SLC2A13: variants seen among roughly 807,000 people sequenced by gnomAD.
SLC2A13 encodes solute carrier family 2 member 13, also known as proton myo-inositol cotransporter.
SLC2A13 carries 32 observed loss-of-function variants against 64.4 expected under a neutral mutation model. The ratio of observed to expected loss-of-function variants is 0.50; its 90% CI spans 0.37 to 0.67. The LOEUF (loss-of-function observed/expected upper bound fraction) is 0.67, where lower values mean the gene tolerates loss of function less well. SLC2A13 is among the 30% of genes least tolerant of loss of function. The pLI, the probability that SLC2A13 is intolerant of heterozygous loss-of-function variation, is 0.00. For missense variants in SLC2A13, 743 were observed against 829.2 expected (o/e 0.90, Z 1.28); for synonymous variants, 338 against 327.1 (o/e 1.03, Z -0.36).
At chr12:39,817,804 C>T (rs1171660771) in intron 7 of SLC2A13, among the ~76,000 whole-genome samples, 3 of 152,114 alleles carry the variant, frequency 2.0e-5, no homozygotes, top group Non-Finnish European at 4.4e-5. Context: ...TCAGTATACC[C>T]GGGGCAATTC....
chr12:40,041,384 T>C (rs2136230278), intron 2 of SLC2A13, among the ~76,000 whole-genome samples: 1 of 152,338 alleles, frequency 6.6e-6, no homozygotes, highest in Middle Eastern at 3.4e-3. Context: ...CTTTGAAGAT[T>C]ACATTTCACC....
Position 39,935,950 on chromosome 12 carries a change from G to C in SLC2A13, c.1034+15307C>G, listed in dbSNP as rs150688707. On this transcript the variant is annotated intron_variant, in intron 4 of 9. Coordinates refer to ENST00000280871, the MANE Select transcript of SLC2A13 (RefSeq NM_052885.4). The stretch of plus-strand genomic sequence containing the variant: ...GCCCTGAGAAGTTATGAAACTTGTA[G>C]CTTTACACACCCTTCTTTATATACC... Among the ~76,000 whole-genome samples the C allele has an allele frequency of 2.0e-5, 3 of 149,760 alleles. No individual in the cohort carries two copies. The East Asian group carries it at 6.0e-4, about 30-fold the overall frequency.
chr12:39,971,004 G>T (rs1180772308), intron 3 of SLC2A13, among the ~76,000 whole-genome samples: 1 of 152,116 alleles, frequency 6.6e-6, no homozygotes, highest in Non-Finnish European at 1.5e-5. Flanking sequence ...TTTACCAAGT[G>T]TTTAAGCCTT....
intron 4 of SLC2A13, among the ~76,000 whole-genome samples, chr12:39,900,269 GA>G (rs1476033044): frequency 6.6e-6 from 1 of 152,082 alleles, no homozygotes; most frequent in Non-Finnish European, 1.5e-5. Flanking sequence ...CATTCCCTTT[GA>G]AAACTGGCAC....
Position 39,975,990 on chromosome 12 carries a change from C to T in SLC2A13, c.926-24625G>A, listed in dbSNP as rs553577683. Among the ~76,000 whole-genome samples the T allele has an allele frequency of 1.0e-3, 153 of 152,298 alleles. 1 individual carries two copies. The highest frequency in any genetic ancestry group is 3.4e-3 in the African/African-American group (140 of 41,564). On this transcript the variant is annotated intron_variant, in intron 3 of 9. Coordinates refer to ENST00000280871, the MANE Select transcript of SLC2A13 (RefSeq NM_052885.4). ...GCTAAGTTTCCAAATATAATAACTG[C>T]TAATCAAAACAGTGACATCACAATC...
chr12:39,939,501 G>A (rs547259378), intron 4 of SLC2A13, among the ~76,000 whole-genome samples: 1 of 152,280 alleles, frequency 6.6e-6, no homozygotes, highest in South Asian at 2.1e-4. Context: ...AGCCAGTGGA[G>A]TTCATAGGGC....
At chr12:39,789,800 G>A (rs950640173) in intron 7 of SLC2A13, among the ~76,000 whole-genome samples, 1 of 152,052 alleles carries the variant, frequency 6.6e-6, no homozygotes, top group Admixed American at 6.6e-5. Flanking sequence ...AAGAGCTTGA[G>A]CCCCCATTTC....
chr12:40,048,596 G>A (rs1384655133), intron 1 of SLC2A13, among the ~76,000 whole-genome samples: 3 of 152,060 alleles, frequency 2.0e-5, no homozygotes, highest in African/African-American at 7.2e-5. Context: ...ACAATAGTGA[G>A]AATAAAAAAT....
At chr12:40,000,418 G>A (rs536868349) in intron 3 of SLC2A13, among the ~76,000 whole-genome samples, 7 of 152,242 alleles carry the variant, frequency 4.6e-5, no homozygotes, top group Admixed American at 3.3e-4. Flanking sequence ...AAGGTCATCA[G>A]GTCTTTTAAG....
intron 4 of SLC2A13, among the ~76,000 whole-genome samples, chr12:39,872,674 C>T (rs1398667644): frequency 1.3e-5 from 2 of 152,164 alleles, no homozygotes; most frequent in Non-Finnish European, 2.9e-5. Flanking sequence ...ATATGTCTGG[C>T]ACATTTAAGG....
chr12:39,802,710 CAT>C (rs1941834673), intron 7 of SLC2A13, among the ~76,000 whole-genome samples: 2 of 151,588 alleles, frequency 1.3e-5, no homozygotes, highest in African/African-American at 4.9e-5. Flanking sequence ...GTTACATGTC[CAT>C]ATATATAGAT....
At chr12:39,877,216 G>A (rs1403493780) in intron 4 of SLC2A13, among the ~76,000 whole-genome samples, 1 of 152,122 alleles carries the variant, frequency 6.6e-6, no homozygotes, top group Non-Finnish European at 1.5e-5. Context: ...ATAAAAAGAG[G>A]TTGAATGGAC....
intron 3 of SLC2A13, among the ~76,000 whole-genome samples, chr12:40,000,112 C>T (rs1947298956): frequency 6.6e-6 from 1 of 152,314 alleles, no homozygotes; most frequent in Non-Finnish European, 1.5e-5. Flanking sequence ...CACAAGCTCT[C>T]TTTGCCTGCT....
chr12:40,014,700 G>A (rs1947592384), intron 3 of SLC2A13, among the ~76,000 whole-genome samples: 1 of 152,020 alleles, frequency 6.6e-6, no homozygotes, highest in African/African-American at 2.4e-5. Context: ...CTTTATGTTG[G>A]TCAGGCTGGT....
intron 3 of SLC2A13, among the ~76,000 whole-genome samples, chr12:40,001,293 AT>A (rs1203754308): frequency 6.6e-6 from 1 of 152,194 alleles, no homozygotes; most frequent in African/African-American, 2.4e-5. Context: ...TAATTTGTAA[AT>A]TTTCTTTCAA....
intron 1 of SLC2A13, among the ~76,000 whole-genome samples, chr12:40,077,346 G>T (rs560785488): frequency 2.6e-5 from 4 of 152,194 alleles, no homozygotes; most frequent in Non-Finnish European, 5.9e-5. Context: ...AAAGGAAAGG[G>T]TCCAGCTGCA....
At chr12:39,810,546 A>T (rs932802038) in intron 7 of SLC2A13, among the ~76,000 whole-genome samples, 1 of 152,134 alleles carries the variant, frequency 6.6e-6, no homozygotes, top group Non-Finnish European at 1.5e-5. Flanking sequence ...AGACATTCTC[A>T]CCTAGTTTTC....
chr12:39,764,651 T>C (rs373241148), intron 8 of SLC2A13, 39 bp from the exon 9 acceptor site: 6 of 1,581,966 alleles, frequency 3.8e-6, no homozygotes, highest in Non-Finnish European at 4.3e-6. Context: ...TAAAATAGCA[T>C]GTAAGAAATT....
chr12:40,052,683 T>C (rs1328625426), intron 1 of SLC2A13, among the ~76,000 whole-genome samples: 1 of 152,208 alleles, frequency 6.6e-6, no homozygotes, highest in Non-Finnish European at 1.5e-5. Context: ...TGCTGGACTA[T>C]ATTTCTTCAA....
Sources: gnomAD v4.1 joint callset for allele counts (sites outside exome capture counted in the v4.1 genomes callset) on GRCh38, gnomAD v4.1.1 for gene constraint, MANE v1.5 for transcripts, NCBI Gene and HGNC (gene_info 2026-07-23, HGNC 2026-07-21) for gene names.